Variants in PLCE1 observed in about 807,000 individuals in gnomAD.
The protein encoded by PLCE1 is phospholipase C epsilon 1, also known as 1-phosphatidylinositol 4,5-bisphosphate phosphodiesterase epsilon-1.
A neutral mutation model predicts 242.8 loss-of-function variants in PLCE1; 119 were observed. The ratio of observed to expected loss-of-function variants is 0.49; its 90% CI spans 0.42 to 0.57. PLCE1 has a LOEUF of 0.57. Among genes scored for constraint, PLCE1 ranks in the 20% least tolerant of loss-of-function variants. The pLI, the probability that PLCE1 is intolerant of heterozygous loss-of-function variation, is 0.00. For synonymous variants in PLCE1, 945 were observed against 1,017.4 expected, an observed-to-expected ratio of 0.93 and a Z score of 1.35; for missense variants, 2,441 against 2,788.8, an observed-to-expected ratio of 0.88 and a Z score of 2.81.
chr10:94,126,296 A>T (rs1014672621), intron 2 of PLCE1, among the ~76,000 whole-genome samples: 4 of 152,248 alleles, frequency 2.6e-5, no homozygotes, highest in Non-Finnish European at 4.4e-5. Context: ...AGTTCTCTAT[A>T]TAAAGCCTAC....
intron 7 of PLCE1, among the ~76,000 whole-genome samples, chr10:94,237,320 C>T (rs1472845558): frequency 2.0e-5 from 3 of 152,144 alleles, no homozygotes; most frequent in Non-Finnish European, 4.4e-5. Context: ...GTCGTTTGAC[C>T]TTTCTAAAAC....
At chr10:94,018,269 C>A (rs552799279) in intron 1 of PLCE1, among the ~76,000 whole-genome samples, 1 of 152,172 alleles carries the variant, frequency 6.6e-6, no homozygotes, top group Non-Finnish European at 1.5e-5. Flanking sequence ...CAGCTCAGGG[C>A]CCTTCCCACT....
intron 2 of PLCE1, among the ~76,000 whole-genome samples, chr10:94,088,700 T>C (rs1308078220): frequency 2.0e-5 from 3 of 152,222 alleles, no homozygotes; most frequent in Non-Finnish European, 2.9e-5. Context: ...GATGGCTGCC[T>C]TCTATTATTA....
At chr10:94,092,337 T>C (rs2045110035) in intron 2 of PLCE1, among the ~76,000 whole-genome samples, 1 of 152,222 alleles carries the variant, frequency 6.6e-6, no homozygotes, top group Non-Finnish European at 1.5e-5. Flanking sequence ...CAACCGACGC[T>C]AAACACTTTC....
At chr10:94,160,326 TG>T (rs2047568501) in intron 3 of PLCE1, among the ~76,000 whole-genome samples, 1 of 152,226 alleles carries the variant, frequency 6.6e-6, no homozygotes, top group South Asian at 2.1e-4. Context: ...TGGTATGAGA[TG>T]GTATCTCATT....
intron 1 of PLCE1, among the ~76,000 whole-genome samples, chr10:93,999,367 C>T (rs1296137394): frequency 6.6e-6 from 1 of 152,168 alleles, no homozygotes; most frequent in Non-Finnish European, 1.5e-5. Flanking sequence ...CCCAAGGTCA[C>T]ACAGCTAGTA....
In PLCE1 at chr10:94,171,397, C is replaced by A; in HGVS notation, c.1710C>A (p.Ser570Arg). 6.2e-7 allele frequency: 1 copy of A among 1,614,148 alleles called. No homozygotes were observed. Among genetic ancestry groups the A allele is most frequent in the Non-Finnish European group, 8.5e-7 (1 of 1,179,976 alleles). ...ACTTGGGCACTCCTGAATGCCAGAGCTCCTTGCCCTGCCTCAAAGCATCCA... is the reference window on the plus strand; with the variant it reads ...ACTTGGGCACTCCTGAATGCCAGAGATCCTTGCCCTGCCTCAAAGCATCCA... ...TRDLGTPECQ[S>R]SLPCLKASIS... Residue 570 changes from serine (S) to arginine (R), a missense_variant, in exon 4 of 33, where the codon AGC becomes AGA. Coordinates refer to ENST00000371380, the MANE Select transcript of PLCE1 (RefSeq NM_016341.4).
intron 2 of PLCE1, among the ~76,000 whole-genome samples, chr10:94,067,376 C>T (rs1440466787): frequency 6.6e-6 from 1 of 152,164 alleles, no homozygotes; most frequent in Non-Finnish European, 1.5e-5. Flanking sequence ...AAAGCTCTGC[C>T]TTTACTCTTG....
At chr10:94,214,931 C>G (rs78465214) in intron 4 of PLCE1, among the ~76,000 whole-genome samples, 1 of 152,146 alleles carries the variant, frequency 6.6e-6, no homozygotes, top group Non-Finnish European at 1.5e-5. Flanking sequence ...AGGGTACTTG[C>G]GTAAGCTATG....
intron 10 of PLCE1, 38 bp downstream of exon 10, chr10:94,254,345 T>C (rs2050989653): frequency 7.0e-7 from 1 of 1,425,316 alleles, no homozygotes; most frequent in Non-Finnish European, 9.9e-7. Context: ...TTTTGTTTTT[T>C]AATTTTTGTG....
chr10:94,009,437 A>C (rs375990489), intron 1 of PLCE1, among the ~76,000 whole-genome samples: 28 of 152,258 alleles, frequency 1.8e-4, no homozygotes, highest in African/African-American at 6.3e-4. Flanking sequence ...GGGCACAAAC[A>C]TCCAACTATG....
intron 1 of PLCE1, among the ~76,000 whole-genome samples, chr10:94,017,244 C>A (rs1430208327): frequency 6.6e-6 from 1 of 152,162 alleles, no homozygotes; most frequent in African/African-American, 2.4e-5. Flanking sequence ...AGAAAAATAG[C>A]AAAAGTGCTG....
In PLCE1 at chr10:94,248,852, T is replaced by G. The variant is rs575990385; in HGVS notation, c.3096+2231T>G. 1.6e-4 allele frequency among the ~76,000 whole-genome samples: 25 copies of G among 152,310 alleles called. No individual in the cohort carries two copies. In the East Asian group the frequency reaches 4.6e-3, roughly 28 times the overall value. On this transcript the variant is annotated intron_variant, in intron 8 of 32. Coordinates refer to ENST00000371380, the MANE Select transcript of PLCE1 (RefSeq NM_016341.4). ...TGTTCCATTTGTCTGCTTCTCAAGC[T>G]TATAGCATAGGTAACTGAATTAATA...
chr10:93,999,389 C>T (rs555379950), intron 1 of PLCE1, among the ~76,000 whole-genome samples: 149 of 152,182 alleles, frequency 9.8e-4, no homozygotes, highest in South Asian at 6.4e-3. Flanking sequence ...GCAGGAGATC[C>T]GGGATGTGAG....
intron 14 of PLCE1, among the ~76,000 whole-genome samples, chr10:94,263,297 T>G (rs945218664): frequency 1.3e-5 from 2 of 151,974 alleles, no homozygotes; most frequent in African/African-American, 4.8e-5. Context: ...GTGGATCACC[T>G]GAGATCAGGA....
At chr10:94,199,480 TA>T (rs1172562163) in intron 4 of PLCE1, among the ~76,000 whole-genome samples, 1 of 152,226 alleles carries the variant, frequency 6.6e-6, no homozygotes, top group Non-Finnish European at 1.5e-5. Flanking sequence ...TTGTGAACCA[TA>T]AAGTGCTATA....
At chr10:94,258,477 A>G (rs1312049572) in intron 11 of PLCE1, among the ~76,000 whole-genome samples, 1 of 152,216 alleles carries the variant, frequency 6.6e-6, no homozygotes, top group Non-Finnish European at 1.5e-5. Context: ...TTTAATAGAC[A>G]TCTTCAGAAA....
At chr10:94,300,192 A>T (rs560094220) in intron 24 of PLCE1, among the ~76,000 whole-genome samples, 1 of 152,288 alleles carries the variant, frequency 6.6e-6, no homozygotes, top group African/African-American at 2.4e-5. Context: ...CTTTCTCTGG[A>T]AGTGCCAGGA....
chr10:94,261,357 A>G (rs1412660625), intron 13 of PLCE1, among the ~76,000 whole-genome samples: 2 of 152,154 alleles, frequency 1.3e-5, no homozygotes, highest in African/African-American at 4.8e-5. Flanking sequence ...CCTGGGTAAC[A>G]TTCCATTTTG....
Sources: allele counts gnomAD v4.1 joint callset (sites outside exome capture counted in the v4.1 genomes callset), GRCh38; gene constraint gnomAD v4.1.1; transcripts MANE v1.5; gene names NCBI Gene and HGNC (gene_info 2026-07-23, HGNC 2026-07-21).